BCR: variants seen among roughly 807,000 people sequenced by gnomAD.
BCR encodes BCR activator of RhoGEF and GTPase, also known as breakpoint cluster region protein.
A neutral mutation model predicts 138.6 loss-of-function variants in BCR; 58 were observed. The observed-to-expected ratio is 0.42, with a 90% CI of 0.34 to 0.52. The LOEUF is 0.52. Among genes scored for constraint, BCR ranks in the 20% least tolerant of loss-of-function variants. BCR has a pLI of 0.06. For missense variants in BCR, 1,599 were observed against 1,727.2 expected, an observed-to-expected ratio of 0.93 and a Z score of 1.32; for synonymous variants, 786 against 730.1, an observed-to-expected ratio of 1.08 and a Z score of -1.23.
intron 16 of BCR, chr22:23,306,642 T>G (rs1054166718): frequency 2.0e-5 from 3 of 152,094 alleles, no homozygotes; most frequent in Non-Finnish European, 4.4e-5. Flanking sequence ...CACAAAAAAG[T>G]GGAACCCGGA....
intron 1 of BCR, among the ~76,000 whole-genome samples, chr22:23,241,658 T>C (rs1371907732): frequency 6.6e-6 from 1 of 152,086 alleles, no homozygotes; most frequent in East Asian, 1.9e-4. Flanking sequence ...CTGCTCTTCC[T>C]CCTTTTGCCT....
At chr22:23,305,624 A>G (rs1240972727) in intron 16 of BCR, among the ~76,000 whole-genome samples, 4 of 152,096 alleles carry the variant, frequency 2.6e-5, no homozygotes, top group Admixed American at 2.6e-4. Context: ...CTTCCCTGGG[A>G]TGGATGTGCA....
At position 23,182,104 on chromosome 22, in the gene BCR, A is replaced by C; in HGVS notation, c.1144A>C (p.Ser382Arg). Residue 382 changes from serine (S) to arginine (R), a missense_variant, in exon 1 of 23, where the codon AGT (serine) becomes CGT (arginine). This residue lies in a region of BCR where 806 missense variants were observed against 635.0 expected (regional missense o/e 1.27). Transcript: ENST00000305877. ...CTCGCAACAGTCCTTCGACAGCAGCAGTCCCCCCACGCCGCAGTGCCATAA... is the reference window on the plus strand; with the variant it reads ...CTCGCAACAGTCCTTCGACAGCAGCCGTCCCCCCACGCCGCAGTGCCATAA... ...QNSQQSFDSS[S>R]PPTPQCHKRH... 6.2e-7 allele frequency: 1 copy of C among 1,612,754 alleles called. No homozygotes were observed. Among genetic ancestry groups the C allele is most frequent in the Non-Finnish European group, 8.5e-7 (1 of 1,180,020 alleles).
intron 1 of BCR, among the ~76,000 whole-genome samples, chr22:23,201,683 C>T (rs1213174631): frequency 6.6e-6 from 1 of 152,158 alleles, no homozygotes; most frequent in Non-Finnish European, 1.5e-5. Context: ...TCTCGATCTC[C>T]TGACCTTGTG....
intron 8 of BCR, among the ~76,000 whole-genome samples, chr22:23,274,692 G>A (rs887948719): frequency 4.0e-4 from 61 of 152,190 alleles, no homozygotes; most frequent in African/African-American, 1.4e-3. Context: ...GGTGGATCAG[G>A]AGGTCAAGAA....
rs538340296 is a variant in BCR, at chr22:23,192,607, A to G, written c.1279+10368A>G. Among the ~76,000 whole-genome samples, 4 of 152,168 alleles carry G rather than the reference A, an allele frequency of 2.6e-5. No individual in the cohort carries two copies. The South Asian group carries it at 8.3e-4, about 31-fold the overall frequency. On this transcript the variant is annotated intron_variant, in intron 1 of 22. Coordinates refer to ENST00000305877, the MANE Select transcript of BCR (RefSeq NM_004327.4). ...TCCCCTCTCATTTTGCAAATCTCCA[A>G]GATAGGGATTTCCTGACTCTTGATA...
At chr22:23,204,012 T>C (rs2072584140) in intron 1 of BCR, among the ~76,000 whole-genome samples, 1 of 152,142 alleles carries the variant, frequency 6.6e-6, no homozygotes, top group Admixed American at 6.5e-5. Flanking sequence ...TGGGTTCAGA[T>C]GGTCTTGGCT....
intron 1 of BCR, among the ~76,000 whole-genome samples, chr22:23,229,205 T>A (rs1325156121): frequency 1.3e-5 from 2 of 152,228 alleles, no homozygotes; most frequent in African/African-American, 4.8e-5. Context: ...GGTTCTTTTT[T>A]ATAGCTTCTA....
At chr22:23,184,112 A>G (rs1308350972) in intron 1 of BCR, among the ~76,000 whole-genome samples, 1 of 152,214 alleles carries the variant, frequency 6.6e-6, no homozygotes, top group African/African-American at 2.4e-5. Flanking sequence ...TTTAAGAGAC[A>G]GCGTCTGGCT....
At chr22:23,187,630 A>G (rs1326161702) in intron 1 of BCR, among the ~76,000 whole-genome samples, 4 of 151,812 alleles carry the variant, frequency 2.6e-5, no homozygotes, top group Non-Finnish European at 4.4e-5. Context: ...CACCACACCC[A>G]GCCTCCTCCT....
intron 1 of BCR, among the ~76,000 whole-genome samples, chr22:23,249,926 C>T (rs1000101985): frequency 1.3e-5 from 2 of 152,178 alleles, no homozygotes; most frequent in East Asian, 1.9e-4. Context: ...GAGGGGGAAA[C>T]GGCTGGGGTT....
chr22:23,288,186 G>A lies in BCR; in HGVS notation c.2602+14G>A, dbSNP rs1236530510. The A allele has an allele frequency of 8.1e-6, 13 of 1,611,146 alleles. No individual in the cohort carries two copies. Among genetic ancestry groups the A allele is most frequent in the Non-Finnish European group, 8.5e-7 (1 of 1,177,414 alleles). On this transcript the variant is annotated intron_variant, in intron 12 of 22. Transcript: ENST00000305877. The stretch of plus-strand genomic sequence containing the variant: ...AGCAGAAGAAGTGTGAGTATCCTCT[G>A]TCCTGAGAGGGGCTGGGCTTCAAAC...
At chr22:23,242,761 T>G in intron 1 of BCR, 1 of 420,996 alleles carries the variant, frequency 2.4e-6, no homozygotes, top group Non-Finnish European at 4.8e-6. Flanking sequence ...TGTGGCTTCC[T>G]TAACAGAATG....
At position 23,234,275 on chromosome 22, in the gene BCR, C is replaced by T. The variant is rs564835798; in HGVS notation, c.1280-19524C>T. Among the ~76,000 whole-genome samples, 6 of 152,254 alleles carry T rather than the reference C, an allele frequency of 3.9e-5. No homozygotes were observed. In the South Asian group the frequency reaches 8.3e-4, roughly 21 times the overall value. On this transcript the variant is annotated intron_variant, in intron 1 of 22. Coordinates refer to ENST00000305877, the MANE Select transcript of BCR (RefSeq NM_004327.4). ...CCCTGACCTCTGTCACTCCCAAGTC[C>T]GAGGAACCAGTGGTTATGTGAATGT...
At chr22:23,280,281 G>A (rs1289517403) in intron 8 of BCR, among the ~76,000 whole-genome samples, 1 of 152,200 alleles carries the variant, frequency 6.6e-6, no homozygotes. Context: ...AGCTGGCCTG[G>A]GGGAAGTCCC....
At chr22:23,278,942 G>C (rs1307807576) in intron 8 of BCR, among the ~76,000 whole-genome samples, 7 of 152,206 alleles carry the variant, frequency 4.6e-5, no homozygotes, top group Non-Finnish European at 1.0e-4. Context: ...ATAAACATTG[G>C]CAAACAAAGC....
At chr22:23,224,267 T>C (rs2072863060) in intron 1 of BCR, among the ~76,000 whole-genome samples, 1 of 152,202 alleles carries the variant, frequency 6.6e-6, no homozygotes, top group Non-Finnish European at 1.5e-5. Context: ...TAATGATTCT[T>C]AGAGTTCTTT....
At chr22:23,314,111 TC>T in intron 21 of BCR, 38 bp downstream of exon 21, 3 of 1,542,114 alleles carry the variant, frequency 1.9e-6, no homozygotes, top group Non-Finnish European at 1.8e-6. Flanking sequence ...GGGCTCCAGG[TC>T]CCCAGGCCGC....
chr22:23,243,542 C>G (rs2073121556), intron 1 of BCR, among the ~76,000 whole-genome samples: 1 of 152,164 alleles, frequency 6.6e-6, no homozygotes, highest in Non-Finnish European at 1.5e-5. Context: ...AATACACACC[C>G]TGTTACCCAG....
Sources: gnomAD v4.1 joint callset for allele counts (sites outside exome capture counted in the v4.1 genomes callset) on GRCh38, gnomAD v4.1.1 for gene constraint, gnomAD v4.1.1 regional missense constraint, MANE v1.5 for transcripts, NCBI Gene and HGNC (gene_info 2026-07-23, HGNC 2026-07-21) for gene names.